EMID1: variants seen among roughly 807,000 people sequenced by gnomAD.
EMID1 encodes EMI domain-containing protein 1.
In EMID1, 40 loss-of-function variants were observed where a neutral mutation model predicts 60.6. That is an observed-to-expected ratio of 0.66 (90% confidence interval 0.51 to 0.86). EMID1 has a LOEUF of 0.86. EMID1 is among the 40% of genes least tolerant of loss of function. EMID1 has a pLI of 0.00. For synonymous variants in EMID1, 242 were observed against 231.0 expected (o/e 1.05, Z -0.43); for missense variants, 585 against 597.1 (o/e 0.98, Z 0.21).
chr22:29,254,323 C>A (rs1226390733), intron 14 of EMID1, 36 bp downstream of exon 14: 4 of 1,594,112 alleles, frequency 2.5e-6, no homozygotes, highest in Non-Finnish European at 3.4e-6. Context: ...GACGGCCCAG[C>A]CCCTGCCTGC....
At position 29,259,039 on chromosome 22, in the gene EMID1, A is replaced by AATG; in HGVS notation, c.*96_*98dup. On this transcript the variant is annotated 3_prime_UTR_variant, in exon 15 of 15. Transcript: ENST00000334018. ...CAGGGACCGCCCGTCCATATTTATT[A>AATG]ATGTCCTCAGGGTCCCTTCTGCCAT... 2 of 1,523,504 alleles carry AATG rather than the reference A, an allele frequency of 1.3e-6. No individual in the cohort carries two copies. Among genetic ancestry groups the AATG allele is most frequent in the Non-Finnish European group, 1.8e-6 (2 of 1,136,212 alleles). The allele number at this position is 1,523,504 out of a possible 1,614,324, so 94.4% of individuals were successfully genotyped here.
At chr22:29,243,547 G>A (rs2035533429) in intron 13 of EMID1, 58 bp downstream of exon 13, 2 of 1,603,706 alleles carry the variant, frequency 1.2e-6, no homozygotes, top group African/African-American at 1.3e-5. Context: ...ATGCTCAAGA[G>A]AGTATTCCCT....
At chr22:29,258,301 C>T (rs2041777281) in intron 14 of EMID1, among the ~76,000 whole-genome samples, 1 of 152,142 alleles carries the variant, frequency 6.6e-6, no homozygotes, top group Non-Finnish European at 1.5e-5. Flanking sequence ...GGAACTGTCC[C>T]TGTTTCAGAG....
In EMID1 at chr22:29,231,677, C is replaced by T. The variant is rs747462539; in HGVS notation, c.671C>T (p.Pro224Leu). 64 of 1,461,578 alleles carry T rather than the reference C, an allele frequency of 4.4e-5. No homozygotes were observed. In the South Asian group the frequency reaches 6.6e-4, roughly 15 times the overall value. The allele number at this position is 1,461,578 out of a possible 1,614,324, so 90.5% of individuals were successfully genotyped here. The change falls in exon 7 of 15, where the codon CCA becomes CTA. Residue 224 changes from proline to leucine, a missense_variant. Pro to Leu is a moderately conservative substitution (Grantham distance 98, BLOSUM62 -3). Transcript: ENST00000334018. Reference protein sequence around the residue: ...GSRGPMGMRGPPGPQGPPGSP... With the variant: ...GSRGPMGMRGLPGPQGPPGSP... Reference sequence around the variant, plus strand: ...CGGGGCCCAATGGGGATGAGAGGCCCACCAGGTGAGTGCCCGCAATGCTGC... The same window carrying T: ...CGGGGCCCAATGGGGATGAGAGGCCTACCAGGTGAGTGCCCGCAATGCTGC...
At chr22:29,249,667 G>A (rs5763102) in intron 13 of EMID1, among the ~76,000 whole-genome samples, 1 of 151,404 alleles carries the variant, frequency 6.6e-6, no homozygotes, top group East Asian at 1.9e-4. Context: ...CAGGCTGGAG[G>A]GCAATGGTGC....
intron 3 of EMID1, among the ~76,000 whole-genome samples, chr22:29,217,379 G>A (rs9620871): frequency 0.031 from 4,699 of 152,368 alleles, 248 homozygotes; most frequent in African/African-American, 0.11. Flanking sequence ...AGGTCCCAGC[G>A]TGGGTATGGG....
At chr22:29,250,733 ATTTTTTTTTTTTTTTTTTTT>A (rs748172215) in intron 13 of EMID1, among the ~76,000 whole-genome samples, 3 of 22,486 alleles carry the variant, frequency 1.3e-4, no homozygotes, top group Admixed American at 1.6e-3. Flanking sequence ...CACCCGGCTA[ATTTTTTTTTTTTTTTTTTTT>A]TTTTTTTTTT....
intron 13 of EMID1, 88 bp downstream of exon 13, chr22:29,243,577 T>G: frequency 6.7e-7 from 1 of 1,482,262 alleles, no homozygotes; most frequent in Admixed American, 1.7e-5. Context: ...GCCCTGGGAG[T>G]GGGAGCATCC....
rs2039631360 is a variant in EMID1, at chr22:29,205,986, A to T, written c.-53A>T. 4 of 1,105,422 alleles carry T rather than the reference A, an allele frequency of 3.6e-6. No homozygotes were observed. The East Asian group carries it at 1.2e-4, about 34-fold the overall frequency. The allele number at this position is 1,105,422 out of a possible 1,614,324, so 68.5% of individuals were successfully genotyped here. A position where few individuals can be genotyped will look rare whatever the true frequency, so the allele number is the denominator to read the frequency against. ...GCGCGGGCAGGCAGGCGGGGAGGAC[A>T]GGCTGGGGGCGGCGACCGCGAGGGG... On this transcript the variant is annotated 5_prime_UTR_variant, in exon 1 of 15. Transcript: ENST00000334018.
intron 13 of EMID1, among the ~76,000 whole-genome samples, chr22:29,251,656 C>T (rs943926427): frequency 6.6e-6 from 1 of 152,088 alleles, no homozygotes; most frequent in South Asian, 2.1e-4. Context: ...TGCCACCACA[C>T]CCAAATAATT....
intron 13 of EMID1, among the ~76,000 whole-genome samples, chr22:29,246,316 G>A (rs998907141): frequency 3.9e-5 from 6 of 152,238 alleles, no homozygotes; most frequent in African/African-American, 1.4e-4. Context: ...GGGCAGTGGG[G>A]AGGCATTGAA....
chr22:29,225,899 G>A (rs555955628), intron 4 of EMID1, among the ~76,000 whole-genome samples: 30 of 152,308 alleles, frequency 2.0e-4, no homozygotes, highest in African/African-American at 6.0e-4. Flanking sequence ...TCAGCCAGGC[G>A]GCCGGGGGAG....
intron 8 of EMID1, 78 bp downstream of exon 8, chr22:29,232,480 CGTGCCTTCTGT>C: frequency 7.0e-7 from 1 of 1,427,160 alleles, no homozygotes; most frequent in South Asian, 1.5e-5. Flanking sequence ...CCATCTGCCA[CGTGCCTTCTGT>C]GTGCCAGCCC....
chr22:29,213,598 G>A lies in EMID1; in HGVS notation c.102-1328G>A, dbSNP rs529546958. Among the ~76,000 whole-genome samples the A allele has an allele frequency of 2.6e-5, 4 of 152,232 alleles. No individual in the cohort carries two copies. The South Asian group carries it at 8.3e-4, about 32-fold the overall frequency. On this transcript the variant is annotated intron_variant, in intron 1 of 14. Coordinates refer to ENST00000334018, the MANE Select transcript of EMID1 (RefSeq NM_133455.4). ...TGCAGCGAGTGGGGGCTGCACTGTG[G>A]TCGGCATGGGAGTCTCTGTGAAGGC...
chr22:29,205,938 C>A lies in EMID1; in HGVS notation c.-101C>A, dbSNP rs2039628101. On this transcript the variant is annotated 5_prime_UTR_variant, in exon 1 of 15. Coordinates refer to ENST00000334018, the MANE Select transcript of EMID1 (RefSeq NM_133455.4). ...CGGCCGCGGAGCTGGAAACCGGGCT[C>A]CGCGCGTCCGGGGCGGCTGGCGGCG... The A allele has an allele frequency of 1.5e-6, 1 of 648,576 alleles. No homozygotes were observed. The highest frequency in any genetic ancestry group is 2.0e-5 in the African/African-American group (1 of 50,574). The allele number at this position is 648,576 out of a possible 1,614,324, so 40.2% of individuals were successfully genotyped here. A position where few individuals can be genotyped will look rare whatever the true frequency, so the allele number is the denominator to read the frequency against.
chr22:29,219,035 AC>A (rs946412938), intron 3 of EMID1, among the ~76,000 whole-genome samples: 2 of 151,886 alleles, frequency 1.3e-5, no homozygotes, highest in Admixed American at 6.5e-5. Context: ...TGCAAGGTTT[AC>A]CCCCTGCAGG....
At chr22:29,253,994 G>T in intron 13 of EMID1, 1 of 985,448 alleles carries the variant, frequency 1.0e-6, no homozygotes, top group South Asian at 4.7e-5. Flanking sequence ...CTTCTGGGAG[G>T]TCCTGCAGGG....
At chr22:29,209,646 G>C (rs1014568822) in intron 1 of EMID1, among the ~76,000 whole-genome samples, 2 of 152,192 alleles carry the variant, frequency 1.3e-5, no homozygotes, top group Non-Finnish European at 2.9e-5. Context: ...ACCTGCGTGA[G>C]TGAGTAAAGC....
rs34056530 is a variant in EMID1, at chr22:29,247,948, C to CT, written c.1119+4473dup. Among the ~76,000 whole-genome samples, 1,146 of 139,682 alleles carry CT rather than the reference C, an allele frequency of 8.2e-3. 17 individuals carry two copies. The highest frequency in any genetic ancestry group is 0.025 in the African/African-American group (967 of 38,210). 91.6% of individuals were successfully genotyped at this position (139,682 alleles called of 152,430 possible). A position where few individuals can be genotyped will look rare whatever the true frequency, so the allele number is the denominator to read the frequency against. ...GCTGGTGAAATTAATTTTTTTTTTA[C>CT]TTTTTTTTTTTTTTGAGACAGAGTC... is the stretch of plus-strand genomic sequence containing the variant. On this transcript the variant is annotated intron_variant, in intron 13 of 14. Coordinates refer to ENST00000334018, the MANE Select transcript of EMID1 (RefSeq NM_133455.4).
Sources: gnomAD v4.1 joint callset for allele counts (sites outside exome capture counted in the v4.1 genomes callset) on GRCh38, gnomAD v4.1.1 for gene constraint, MANE v1.5 for transcripts, NCBI Gene and HGNC (gene_info 2026-07-23, HGNC 2026-07-21) for gene names.